Variants in RBFOX1 observed in about 807,000 individuals in gnomAD.
The protein encoded by RBFOX1 is RNA binding fox-1 homolog 1, also known as RNA binding protein fox-1 homolog 1.
In RBFOX1, 8 loss-of-function variants were observed where a neutral mutation model predicts 57.7. The observed-to-expected ratio is 0.14, with a 90% confidence interval of 0.08 to 0.25. The LOEUF (loss-of-function observed/expected upper bound fraction) is 0.25. Among genes scored for constraint, RBFOX1 ranks in the 10% least tolerant of loss-of-function variants. RBFOX1 has a pLI of 1.00. For missense variants in RBFOX1, 611 were observed against 548.5 expected (o/e 1.11, Z -1.14); for synonymous variants, 326 against 222.4 (o/e 1.47, Z -4.15).
chr16:7,635,607 AGAG>A (rs1288491951), intron 11 of RBFOX1, among the ~76,000 whole-genome samples: 1 of 152,162 alleles, frequency 6.6e-6, no homozygotes, highest in Non-Finnish European at 1.5e-5. Flanking sequence ...TTGACTTTAC[AGAG>A]GAGAGTATAC....
At chr16:6,345,717 G>A (rs2152835369) in intron 2 of RBFOX1, among the ~76,000 whole-genome samples, 1 of 152,322 alleles carries the variant, frequency 6.6e-6, no homozygotes, top group Admixed American at 6.5e-5. Context: ...GTTGACACAT[G>A]TGAACCCATA....
intron 3 of RBFOX1, among the ~76,000 whole-genome samples, chr16:6,783,821 G>T (rs1472726381): frequency 2.7e-4 from 41 of 152,070 alleles, no homozygotes; most frequent in Non-Finnish European, 1.3e-4. Flanking sequence ...TTCCTTATAA[G>T]ACAGATCTAG....
intron 4 of RBFOX1, among the ~76,000 whole-genome samples, chr16:7,104,305 G>C (rs538306169): frequency 2.8e-4 from 43 of 152,204 alleles, no homozygotes; most frequent in Admixed American, 5.2e-4. Flanking sequence ...ATATAAGACA[G>C]TCCTGTTAGT....
chr16:6,723,811 C>A (rs77782964), intron 3 of RBFOX1: 1 of 151,936 alleles, frequency 6.6e-6, no homozygotes, highest in Non-Finnish European at 1.5e-5. Context: ...CAGCTACGTA[C>A]TCAAGATCTT....
At chr16:6,294,876 A>G (rs1467973633) in intron 1 of RBFOX1, among the ~76,000 whole-genome samples, 4 of 151,958 alleles carry the variant, frequency 2.6e-5, no homozygotes, top group Non-Finnish European at 5.9e-5. Flanking sequence ...ACCGTTCCCT[A>G]TCATTTAAGG....
intron 3 of RBFOX1, among the ~76,000 whole-genome samples, chr16:6,821,848 T>C (rs761089014): frequency 2.0e-5 from 3 of 152,178 alleles, no homozygotes; most frequent in Non-Finnish European, 4.4e-5. Context: ...TGCAGGCACT[T>C]GTCTGTTTTC....
Position 6,019,723 on chromosome 16 carries a change from G to C in RBFOX1, c.-396G>C. The C allele has an allele frequency of 7.3e-7, 1 of 1,369,094 alleles. No individual in the cohort carries two copies. Among genetic ancestry groups the C allele is most frequent in the East Asian group, 2.8e-5 (1 of 35,122 alleles). The allele number at this position is 1,369,094 out of a possible 1,614,324, so 84.8% of individuals were successfully genotyped here. A position where few individuals can be genotyped will look rare whatever the true frequency, so the allele number is the denominator to read the frequency against. On this transcript the variant is annotated 5_prime_UTR_variant, in exon 1 of 16. Transcript: ENST00000550418. This position sits in a 1 kb window ranked among gnomAD's most constrained non-coding sequence, Gnocchi z 4.2. ...CAGGCAGAGAGAGCAGGAGCGGACC[G>C]CGCGCCCGGGATTGAGAGTCCTTGC... is the stretch of plus-strand genomic sequence containing the variant.
chr16:7,660,357 G>A (rs547404993), intron 12 of RBFOX1, among the ~76,000 whole-genome samples: 1 of 152,286 alleles, frequency 6.6e-6, no homozygotes, highest in African/African-American at 2.4e-5. Context: ...AAATATGACT[G>A]CGCCTGTTTA....
chr16:5,823,069 C>T (rs947740596), intron 3 of RBFOX1, among the ~76,000 whole-genome samples: 2 of 152,182 alleles, frequency 1.3e-5, no homozygotes, highest in African/African-American at 4.8e-5. Flanking sequence ...GGAGCCACTG[C>T]TGTACCCCAT....
At chr16:5,324,294 C>G (rs1028933948) in intron 1 of RBFOX1, among the ~76,000 whole-genome samples, 3 of 152,206 alleles carry the variant, frequency 2.0e-5, no homozygotes, top group African/African-American at 7.2e-5. Flanking sequence ...GAAACCCCAT[C>G]TCTACTAAAA....
chr16:7,656,590 G>T (rs547574330), intron 12 of RBFOX1, among the ~76,000 whole-genome samples: 1 of 152,320 alleles, frequency 6.6e-6, no homozygotes, highest in African/African-American at 2.4e-5. Context: ...CAGATTTCCT[G>T]TAGCCTTTTA....
At chr16:6,687,356 C>T (rs570038007) in intron 3 of RBFOX1, among the ~76,000 whole-genome samples, 1 of 152,226 alleles carries the variant, frequency 6.6e-6, no homozygotes, top group East Asian at 1.9e-4. Context: ...ACTTGCGTGA[C>T]AGGTTTACCA....
rs548644786 is a variant in RBFOX1, at chr16:5,805,420, C to T, written c.319-61883C>T. Among the ~76,000 whole-genome samples the T allele has an allele frequency of 2.6e-5, 4 of 152,252 alleles. No homozygotes were observed. The South Asian group carries it at 8.3e-4, about 32-fold the overall frequency. On this transcript the variant is annotated intron_variant, in intron 3 of 19. Coordinates refer to the RBFOX1 transcript ENST00000641259. ...AAATGTGAATTCTGATCCTCAATTC[C>T]CTCATCTTTAATATGAAGCTGTTAA... is the stretch of plus-strand genomic sequence containing the variant.
intron 1 of RBFOX1, among the ~76,000 whole-genome samples, chr16:5,447,378 ATCTCTCTCTCTC>A (rs71142623): frequency 2.6e-4 from 35 of 134,360 alleles, no homozygotes; most frequent in African/African-American, 1.8e-4. Flanking sequence ...CAATCAATCA[ATCTCTCTCTCTC>A]TCTCTCTCTC....
chr16:6,851,616 C>T (rs2094068740), intron 3 of RBFOX1, among the ~76,000 whole-genome samples: 1 of 152,156 alleles, frequency 6.6e-6, no homozygotes, highest in Non-Finnish European at 1.5e-5. Flanking sequence ...ATTATCTTTA[C>T]ATGCCTCCTC....
At chr16:6,114,832 GTCT>G (rs1223160659) in intron 1 of RBFOX1, among the ~76,000 whole-genome samples, 1 of 152,198 alleles carries the variant, frequency 6.6e-6, no homozygotes, top group African/African-American at 2.4e-5. Flanking sequence ...TTAGACAGCA[GTCT>G]TCTATTGAAT....
At chr16:5,854,310 G>A (rs1295578220) in intron 3 of RBFOX1, among the ~76,000 whole-genome samples, 1 of 152,168 alleles carries the variant, frequency 6.6e-6, no homozygotes, top group African/African-American at 2.4e-5. Flanking sequence ...CTGAAACTTT[G>A]TGTGTTTTGA....
intron 1 of RBFOX1, among the ~76,000 whole-genome samples, chr16:6,085,063 C>A (rs1294021325): frequency 6.6e-6 from 1 of 152,162 alleles, no homozygotes; most frequent in Non-Finnish European, 1.5e-5. Context: ...ATTCACTCAT[C>A]CAAAGCTGTC....
chr16:7,095,741 A>G (rs1241388673), intron 4 of RBFOX1, among the ~76,000 whole-genome samples: 2 of 152,170 alleles, frequency 1.3e-5, no homozygotes, highest in African/African-American at 4.8e-5. Flanking sequence ...GAAAATATGG[A>G]GCTGGGCATG....
Sources: gnomAD v4.1 joint callset for allele counts (sites outside exome capture counted in the v4.1 genomes callset) on GRCh38, gnomAD v4.1.1 for gene constraint, Gnocchi (gnomAD v3.1) non-coding constraint, MANE v1.5 for transcripts, NCBI Gene and HGNC (gene_info 2026-07-23, HGNC 2026-07-21) for gene names.